PACSIN2: variants seen among roughly 807,000 people sequenced by gnomAD.
PACSIN2 encodes protein kinase C and casein kinase substrate in neurons 2.
Under a neutral mutation model 63.8 loss-of-function variants are expected in PACSIN2, and 25 were observed. The ratio of observed to expected loss-of-function variants is 0.39; its 90% CI spans 0.29 to 0.55. PACSIN2 has a LOEUF of 0.55. PACSIN2 is among the 20% of genes least tolerant of loss of function. The pLI is 0.62. For synonymous variants in PACSIN2, 255 were observed against 256.2 expected (o/e 1.00, Z 0.05); for missense variants, 518 against 646.9 (o/e 0.80, Z 2.16).
chr22:42,901,231 C>T (rs1268608749), intron 2 of PACSIN2, among the ~76,000 whole-genome samples: 2 of 152,128 alleles, frequency 1.3e-5, no homozygotes, highest in Admixed American at 6.5e-5. Context: ...GAGCTCCTGG[C>T]GTACCCCTCG....
chr22:43,000,445 G>A (rs1011582762), intron 1 of PACSIN2, among the ~76,000 whole-genome samples: 5 of 152,310 alleles, frequency 3.3e-5, no homozygotes, highest in South Asian at 2.1e-4. Flanking sequence ...GCTTTTGGAG[G>A]GTTTGGAGGA....
At chr22:42,944,906 G>A (rs2038060) in intron 1 of PACSIN2, among the ~76,000 whole-genome samples, 91,499 of 151,848 alleles carry the variant, frequency 0.6, 28,111 homozygotes, top group East Asian at 0.78. Flanking sequence ...AAGACCAGCC[G>A]GGCCAACACA....
At chr22:43,014,166 G>T (rs1307331254) in intron 1 of PACSIN2, among the ~76,000 whole-genome samples, 1 of 151,838 alleles carries the variant, frequency 6.6e-6, no homozygotes, top group Non-Finnish European at 1.5e-5. Context: ...TGCCTGGCCA[G>T]GCTTGAAAGC....
intron 1 of PACSIN2, among the ~76,000 whole-genome samples, chr22:43,005,672 T>C (rs556552819): frequency 6.6e-6 from 1 of 152,326 alleles, no homozygotes; most frequent in East Asian, 1.9e-4. Flanking sequence ...TTTAAAGGTA[T>C]AGTTTGCTGG....
chr22:42,871,256 G>A lies in PACSIN2; in HGVS notation c.*101C>T. The A allele has an allele frequency of 4.0e-6, 3 of 754,126 alleles. No individual in the cohort carries two copies. The highest frequency in any genetic ancestry group is 7.1e-6 in the Non-Finnish European group (3 of 421,618). The allele number at this position is 754,126 out of a possible 1,614,324, so 46.7% of individuals were successfully genotyped here. A position where few individuals can be genotyped will look rare whatever the true frequency, so the allele number is the denominator to read the frequency against. On this transcript the variant is annotated 3_prime_UTR_variant, in exon 11 of 11. Coordinates refer to ENST00000263246, the MANE Select transcript of PACSIN2 (RefSeq NM_001184970.3). The surrounding 1 kb of genome is among the most constrained non-coding windows in gnomAD (Gnocchi z 5.4). The stretch of plus-strand genomic sequence containing the variant: ...GAACACCATGAAGCCAAGAGCAATG[G>A]AACCATCATCTCTTGCAGGAAAAGG...
At chr22:42,983,946 T>G (rs1414460383) in intron 1 of PACSIN2, among the ~76,000 whole-genome samples, 1 of 149,144 alleles carries the variant, frequency 6.7e-6, no homozygotes, top group East Asian at 2.0e-4. Flanking sequence ...GCACAGGCTA[T>G]GGGCACAGCA....
chr22:42,930,320 C>T (rs1184383707), intron 1 of PACSIN2, among the ~76,000 whole-genome samples: 1 of 152,210 alleles, frequency 6.6e-6, no homozygotes, highest in African/African-American at 2.4e-5. Flanking sequence ...TGCCCCAATT[C>T]CACAGCCACA....
intron 2 of PACSIN2, among the ~76,000 whole-genome samples, chr22:42,909,196 G>A (rs772546231): frequency 7.2e-5 from 11 of 152,140 alleles, no homozygotes; most frequent in South Asian, 2.1e-4. Flanking sequence ...CAAATCCTAC[G>A]GCACCTGGCA....
intron 1 of PACSIN2, among the ~76,000 whole-genome samples, chr22:42,983,146 G>A (rs968871420): frequency 3.3e-5 from 5 of 151,588 alleles, no homozygotes; most frequent in Non-Finnish European, 4.4e-5. Flanking sequence ...GTAAAACCCC[G>A]TCTCTACTGA....
chr22:42,880,781 G>C (rs1464271366), intron 7 of PACSIN2, among the ~76,000 whole-genome samples: 1 of 152,054 alleles, frequency 6.6e-6, no homozygotes, highest in East Asian at 1.9e-4. Context: ...ACACCCTCCA[G>C]GAGACAGACT....
At chr22:42,990,852 A>G (rs1922993562) in intron 1 of PACSIN2, among the ~76,000 whole-genome samples, 1 of 152,194 alleles carries the variant, frequency 6.6e-6, no homozygotes, top group South Asian at 2.1e-4. Context: ...AGAGCTAATG[A>G]AAAATGCTAA....
At chr22:42,947,733 C>G (rs1272657531) in intron 1 of PACSIN2, among the ~76,000 whole-genome samples, 1 of 152,120 alleles carries the variant, frequency 6.6e-6, no homozygotes, top group African/African-American at 2.4e-5. Flanking sequence ...AAGAGCTCTG[C>G]GCCTGACACT....
At chr22:42,903,079 C>CA (rs1257191111) in intron 2 of PACSIN2, among the ~76,000 whole-genome samples, 1 of 152,216 alleles carries the variant, frequency 6.6e-6, no homozygotes, top group Admixed American at 6.5e-5. Flanking sequence ...CAGCCAGCTG[C>CA]AGGGCCTCAC....
chr22:42,912,258 A>T, intron 1 of PACSIN2, 101 bp from the exon 2 acceptor site: 1 of 559,610 alleles, frequency 1.8e-6, no homozygotes, highest in South Asian at 2.4e-5. Flanking sequence ...CACTGCCTTC[A>T]GTACAGGGCG....
chr22:42,914,866 G>A (rs939729317), intron 1 of PACSIN2, among the ~76,000 whole-genome samples: 1 of 152,158 alleles, frequency 6.6e-6, no homozygotes, highest in African/African-American at 2.4e-5. Flanking sequence ...TTGACTGACT[G>A]GTGGTTGACT....
intron 3 of PACSIN2, 44 bp downstream of exon 3, chr22:42,893,413 T>C: frequency 6.3e-7 from 1 of 1,597,284 alleles, no homozygotes; most frequent in East Asian, 2.2e-5. Context: ...CCGGCTGGGG[T>C]GTAGCTGCCT....
intron 1 of PACSIN2, among the ~76,000 whole-genome samples, chr22:42,952,813 C>A (rs1415825491): frequency 6.6e-6 from 1 of 151,962 alleles, no homozygotes; most frequent in African/African-American, 2.4e-5. Context: ...CAGGTGTGTG[C>A]CACCAGGCCC....
chr22:42,983,663 T>C (rs538561649), intron 1 of PACSIN2, among the ~76,000 whole-genome samples: 1 of 152,358 alleles, frequency 6.6e-6, no homozygotes, highest in South Asian at 2.1e-4. Context: ...GGTCTTGCTA[T>C]GTTGCCCAGG....
At chr22:42,915,901 G>A (rs1931775488) in intron 1 of PACSIN2, among the ~76,000 whole-genome samples, 1 of 152,176 alleles carries the variant, frequency 6.6e-6, no homozygotes, top group Non-Finnish European at 1.5e-5. Flanking sequence ...GAAGCCCTAA[G>A]GCGACACTGA....
Sources: gnomAD v4.1 joint callset for allele counts (sites outside exome capture counted in the v4.1 genomes callset) on GRCh38, gnomAD v4.1.1 for gene constraint, Gnocchi (gnomAD v3.1) non-coding constraint, MANE v1.5 for transcripts, NCBI Gene and HGNC (gene_info 2026-07-23, HGNC 2026-07-21) for gene names.